The following ANKRD30A variants were observed in gnomAD, a reference collection of about 807,000 sequenced individuals.
ANKRD30A encodes the protein ankyrin repeat domain 30A.
A neutral mutation model predicts 166.3 loss-of-function variants in ANKRD30A; 170 were observed. The ratio of observed to expected loss-of-function variants is 1.02; its 90% CI spans 0.90 to 1.16. ANKRD30A has a LOEUF of 1.16. ANKRD30A is among the 50% of genes most tolerant of loss of function. The probability of loss-of-function intolerance (pLI) is 0.00; values close to 1 mark genes in which losing one functional copy is unlikely to be tolerated. For missense variants in ANKRD30A, 1,630 were observed against 1,518.0 expected (o/e 1.07, Z -1.23); for synonymous variants, 564 against 508.9 (o/e 1.11, Z -1.46).
At chr10:37,203,810 G>A (rs1201705647) in intron 31 of ANKRD30A, among the ~76,000 whole-genome samples, 1 of 152,138 alleles carries the variant, frequency 6.6e-6, no homozygotes, top group Non-Finnish European at 1.5e-5. Context: ...CATAATAAAT[G>A]TGCAAAAATC....
chr10:37,158,100 C>A (rs1390817757), intron 13 of ANKRD30A, among the ~76,000 whole-genome samples: 1 of 151,982 alleles, frequency 6.6e-6, no homozygotes, highest in Non-Finnish European at 1.5e-5. Flanking sequence ...CGGCCGCTTT[C>A]TCTTACTGAT....
the ANKRD30A span, among the ~76,000 whole-genome samples, chr10:37,259,702 A>G: frequency 1.3e-5 from 2 of 152,238 alleles, no homozygotes; most frequent in East Asian, 3.8e-4. Flanking sequence ...ACATGGATAA[A>G]TCTTACCAAC....
chr10:37,125,709 C>T lies in ANKRD30A; in HGVS notation c.-79C>T. ...TGCGTGGACTGAAGAAGGGCGAGGG[C>T]GATTGGGGAGGGGTGGGGGGTGGTG... On this transcript the variant is annotated 5_prime_UTR_variant, in exon 1 of 36. Coordinates refer to ENST00000361713, the MANE Select transcript of ANKRD30A (RefSeq NM_052997.3). 4.1e-6 allele frequency: 2 copies of T among 486,954 alleles called. No individual in the cohort carries two copies. The highest frequency in any genetic ancestry group is 2.3e-5 in the South Asian group (1 of 43,988). 30.2% of individuals were successfully genotyped at this position (486,954 alleles called of 1,614,324 possible).
At chr10:37,221,376 GTGTC>G (rs1588952699) in intron 34 of ANKRD30A, among the ~76,000 whole-genome samples, 3 of 151,204 alleles carry the variant, frequency 2.0e-5, no homozygotes, top group Non-Finnish European at 3.0e-5. Context: ...TAAACAGTGT[GTGTC>G]TGAGGCTTCA....
intron 3 of ANKRD30A, among the ~76,000 whole-genome samples, chr10:37,131,126 A>G (rs1836356045): frequency 6.6e-6 from 1 of 151,368 alleles, no homozygotes; most frequent in African/African-American, 2.4e-5. Context: ...TAGATTAATC[A>G]TGGTTATATT....
At chr10:37,232,662 A>ATATATATATATATATATATATG (rs1843471575), downstream of ANKRD30A, 1 of 4,026 alleles carries the variant, frequency 2.5e-4, no homozygotes, top group Non-Finnish European at 8.8e-4. Context: ...TTTTATATAT[A>ATATATATATATATATATATATG]TATATATATA....
chr10:37,156,774 G>T (rs2132576199), intron 13 of ANKRD30A, among the ~76,000 whole-genome samples: 1 of 152,260 alleles, frequency 6.6e-6, no homozygotes, highest in South Asian at 2.1e-4. Flanking sequence ...CAGTGCTTCA[G>T]AAGTAACTTT....
the ANKRD30A span, among the ~76,000 whole-genome samples, chr10:37,265,123 A>T: frequency 7.9e-5 from 12 of 152,266 alleles, no homozygotes; most frequent in Admixed American, 3.3e-4. Flanking sequence ...CGTCTCTTTG[A>T]ACTAGAAAGA....
At chr10:37,160,626 T>G (rs1030832139) in intron 15 of ANKRD30A, among the ~76,000 whole-genome samples, 1 of 152,164 alleles carries the variant, frequency 6.6e-6, no homozygotes, top group Non-Finnish European at 1.5e-5. Context: ...TAAAAAAATA[T>G]AAATCAAACA....
chr10:37,239,423 T>A, the ANKRD30A span, among the ~76,000 whole-genome samples: 1 of 152,154 alleles, frequency 6.6e-6, no homozygotes, highest in Admixed American at 6.5e-5. Flanking sequence ...GCCAGTCCAA[T>A]TTTCTCATGA....
chr10:37,214,606 A>G (rs1467941943), intron 31 of ANKRD30A, among the ~76,000 whole-genome samples: 2 of 145,822 alleles, frequency 1.4e-5, no homozygotes, highest in Non-Finnish European at 3.0e-5. Context: ...TTTCTTTATG[A>G]TTTAGTCATA....
At chr10:37,207,067 A>C (rs74676183) in intron 31 of ANKRD30A, among the ~76,000 whole-genome samples, 189 of 152,302 alleles carry the variant, frequency 1.2e-3, no homozygotes, top group Admixed American at 3.8e-3. Context: ...GGATCAAAAA[A>C]CATTCAGATG....
Position 37,144,809 on chromosome 10 carries a change from T to C in ANKRD30A, c.1394-186T>C, listed in dbSNP as rs1588777053. Among the ~76,000 whole-genome samples, 3 of 136,558 alleles carry C rather than the reference T, an allele frequency of 2.2e-5. No individual in the cohort carries two copies. In the East Asian group the frequency reaches 6.3e-4, roughly 29 times the overall value. The allele number at this position is 136,558 out of a possible 152,430, so 89.6% of individuals were successfully genotyped here. On this transcript the variant is annotated intron_variant, in intron 7 of 35. Coordinates refer to ENST00000361713, the MANE Select transcript of ANKRD30A (RefSeq NM_052997.3). ...CATTCTAATGAATATAAAATTAATT[T>C]TTACATTTTTAAGATTGCAGCTCTA...
At chr10:37,160,080 A>G (rs1442793956) in intron 15 of ANKRD30A, among the ~76,000 whole-genome samples, 1 of 152,184 alleles carries the variant, frequency 6.6e-6, no homozygotes, top group African/African-American at 2.4e-5. Context: ...AATATTTTAG[A>G]TGGACCCAAT....
chr10:37,247,382 T>C, the ANKRD30A span, among the ~76,000 whole-genome samples: 7 of 152,314 alleles, frequency 4.6e-5, no homozygotes, highest in East Asian at 1.4e-3. Context: ...ATGCTTTTAG[T>C]GTTCAATGCA....
At chr10:37,162,220 C>T (rs779717790) in intron 15 of ANKRD30A, among the ~76,000 whole-genome samples, 1 of 152,132 alleles carries the variant, frequency 6.6e-6, no homozygotes, top group Non-Finnish European at 1.5e-5. Flanking sequence ...ATTTCAGAGA[C>T]AAGATGTCAG....
At chr10:37,212,720 C>A (rs549359474) in intron 31 of ANKRD30A, among the ~76,000 whole-genome samples, 1 of 152,000 alleles carries the variant, frequency 6.6e-6, no homozygotes, top group East Asian at 1.9e-4. Flanking sequence ...CGTCTTTAAT[C>A]CATGTTGAGT....
At chr10:37,201,153 AAG>A in intron 30 of ANKRD30A, 80 bp from the exon 31 acceptor site, 2 of 1,175,466 alleles carry the variant, frequency 1.7e-6, no homozygotes, top group Non-Finnish European at 2.3e-6. Flanking sequence ...TTTTTAAAAA[AAG>A]ATTTTAATTA....
intron 24 of ANKRD30A, chr10:37,178,619 A>G: frequency 3.1e-6 from 3 of 965,442 alleles, no homozygotes; most frequent in Non-Finnish European, 3.7e-6. Context: ...AATTTTGAGG[A>G]TGTTTTTAGT....
Sources: allele counts gnomAD v4.1 joint callset (sites outside exome capture counted in the v4.1 genomes callset), GRCh38; gene constraint gnomAD v4.1.1; transcripts MANE v1.5; gene names NCBI Gene and HGNC (gene_info 2026-07-23, HGNC 2026-07-21).